Variants in MAP3K11 observed in about 807,000 individuals in gnomAD.
The protein encoded by MAP3K11 is mitogen-activated protein kinase kinase kinase 11.
MAP3K11 carries 46 observed loss-of-function variants against 84.9 expected under a neutral mutation model. The observed-to-expected ratio is 0.54, with a 90% CI of 0.43 to 0.69. MAP3K11 has a LOEUF of 0.69. Ranked by LOEUF, MAP3K11 falls within the 30% of genes least tolerant of loss-of-function variation. MAP3K11 has a pLI of 0.00. For synonymous variants in MAP3K11, 527 were observed against 514.7 expected, an observed-to-expected ratio of 1.02 and a Z score of -0.32; for missense variants, 1,053 against 1,198.3, an observed-to-expected ratio of 0.88 and a Z score of 1.79.
chr11:65,607,787 GC>G lies in MAP3K11; in HGVS notation c.1098del (p.Arg366SerfsTer53). The G allele has an allele frequency of 6.2e-7, 1 of 1,612,642 alleles. No individual in the cohort carries two copies. Among genetic ancestry groups the G allele is most frequent in the Non-Finnish European group, 8.5e-7 (1 of 1,179,510 alleles). ...ADCWAQDPHR[R>X]PDFASILQQL... ...TGCTGCAGGATGGAGGCGAAGTCGGGCCTGCGGTGGGGGTCCTGCGCCCAGC... is the reference window on the plus strand; with the variant it reads ...TGCTGCAGGATGGAGGCGAAGTCGGGCTGCGGTGGGGGTCCTGCGCCCAGC... On this transcript the variant is annotated frameshift_variant, in exon 4 of 10. Transcript: ENST00000309100. LOFTEE classifies it high-confidence loss of function.
chr11:65,607,207 G>C, intron 5 of MAP3K11, 63 bp downstream of exon 5: 3 of 1,426,972 alleles, frequency 2.1e-6, no homozygotes, highest in Non-Finnish European at 1.8e-6. Context: ...TGAGCACACA[G>C]GCCTGGCTCC....
chr11:65,612,867 T>C, intron 1 of MAP3K11, 151 bp downstream of exon 1: 8 of 823,066 alleles, frequency 9.7e-6, no homozygotes, highest in Non-Finnish European at 1.4e-5. Context: ...GTTTGGGGGC[T>C]AGCTTGAGCC....
rs754755551 is a variant in MAP3K11, at chr11:65,608,324, C to G, written c.864G>C (p.Trp288Cys). The G allele has an allele frequency of 6.2e-7, 1 of 1,614,230 alleles. No individual in the cohort carries two copies. The highest frequency in any genetic ancestry group is 8.5e-7 in the Non-Finnish European group (1 of 1,180,036). Reference sequence around the variant, plus strand: ...AGGCCTTGATAACCTCAGGAGCCATCCAGGCGTAGGTGCCCGCGGCACTCA... The same window carrying G: ...AGGCCTTGATAACCTCAGGAGCCATGCAGGCGTAGGTGCCCGCGGCACTCA... ...TQMSAAGTYA[W>C]MAPEVIKAST... is the part of the protein sequence containing the mutation. The change falls in exon 2 of 10, where the codon TGG (tryptophan) becomes TGC (cysteine). Residue 288 changes from tryptophan (W) to cysteine (C), a missense_variant. Trp to Cys is a radical substitution (Grantham distance 215). Around this residue, in one of 3 missense-constraint regions of MAP3K11, gnomAD observed 310 missense variants for 464.5 expected, o/e 0.67. Coordinates refer to ENST00000309100, the MANE Select transcript of MAP3K11 (RefSeq NM_002419.4).
At position 65,613,358 on chromosome 11, in the gene MAP3K11, C is replaced by T. The variant is rs1854601951; in HGVS notation, c.399G>A (p.Arg133=). 3.7e-6 allele frequency: 6 copies of T among 1,612,926 alleles called. No individual in the cohort carries two copies. The South Asian group carries it at 5.5e-5, about 15-fold the overall frequency. ...CCACCAGCTCACCTCGCCAGCTGCC[C>T]CTGTACACCTTGCCAAAGCCTCCAA... is the stretch of plus-strand genomic sequence containing the variant. ...IGIGGFGKVY[R]GSWRGELVAV... Residue 133 remains arginine, a synonymous_variant, in exon 1 of 10, where the codon AGG becomes AGA. Coordinates refer to ENST00000309100, the MANE Select transcript of MAP3K11 (RefSeq NM_002419.4).
rs866709252 is a variant in MAP3K11 at position 65,613,342 on chromosome 11, C to T, written c.415G>A (p.Glu139Lys). 6.8e-6 allele frequency: 11 copies of T among 1,613,138 alleles called. No individual in the cohort carries two copies. In the Middle Eastern group the frequency reaches 1.3e-3, roughly 194 times the overall value. Reference sequence around the variant, plus strand: ...CGAGCTGCCTTCACAGCCACCAGCTCACCTCGCCAGCTGCCCCTGTACACC... The same window carrying T: ...CGAGCTGCCTTCACAGCCACCAGCTTACCTCGCCAGCTGCCCCTGTACACC... ...GKVYRGSWRG[E>K]LVAVKAARQD... The change falls in exon 1 of 10, where the codon GAG (glutamate) becomes AAG (lysine). Residue 139 changes from glutamate (E) to lysine (K), a missense_variant. By Grantham distance (56) the Glu-to-Lys change is moderately conservative. Coordinates refer to ENST00000309100, the MANE Select transcript of MAP3K11 (RefSeq NM_002419.4).
chr11:65,613,716 C>G lies in MAP3K11; in HGVS notation c.41G>C (p.Gly14Ala). ...CCCGCTGCCACTGCCATTCCATGAC[C>G]CTAGAGGGCTCTTGAGGAAGAGGCT... is the stretch of plus-strand genomic sequence containing the variant. Reference protein sequence around the residue: ...LKSLFLKSPLGSWNGSGSGGG... With the variant: ...LKSLFLKSPLASWNGSGSGGG... Residue 14 changes from glycine (G) to alanine (A), a missense_variant, in exon 1 of 10, where the codon GGG becomes GCG. Gly to Ala is a moderately conservative substitution (Grantham distance 60). Transcript: ENST00000309100. The G allele has an allele frequency of 6.3e-7, 1 of 1,597,026 alleles. No individual in the cohort carries two copies. Among genetic ancestry groups the G allele is most frequent in the Non-Finnish European group, 8.5e-7 (1 of 1,172,104 alleles).
At chr11:65,607,583 G>C in intron 4 of MAP3K11, 58 bp downstream of exon 4, 1 of 1,565,508 alleles carries the variant, frequency 6.4e-7, no homozygotes, top group Non-Finnish European at 8.7e-7. Context: ...CCCCGACTCT[G>C]CCCCAGGGAG....
chr11:65,613,622 C>T lies in MAP3K11; in HGVS notation c.135G>A (p.Val45=). ...SPKAAGYANP[V]WTALFDYEPS... Reference sequence around the variant, plus strand: ...GCTCGTAGTCGAACAGGGCTGTCCACACCGGGTTGGCATAACCCGCTGCCT... The same window carrying T: ...GCTCGTAGTCGAACAGGGCTGTCCATACCGGGTTGGCATAACCCGCTGCCT... The change falls in exon 1 of 10, where the codon GTG becomes GTA. Residue 45 remains valine, a synonymous_variant. Coordinates refer to ENST00000309100, the MANE Select transcript of MAP3K11 (RefSeq NM_002419.4). 1 of 1,613,058 alleles carries T rather than the reference C, an allele frequency of 6.2e-7. No individual in the cohort carries two copies. Among genetic ancestry groups the T allele is most frequent in the African/African-American group, 1.3e-5 (1 of 75,072 alleles).
intron 1 of MAP3K11, chr11:65,612,793 G>T (rs1475242972): frequency 4.7e-6 from 2 of 424,048 alleles, no homozygotes; most frequent in Non-Finnish European, 8.1e-6. Flanking sequence ...AACCGCAGCT[G>T]CAGGCTGGGG....
rs770654079 is a variant in MAP3K11 at position 65,607,760 on chromosome 11, A to C, written c.1126T>G (p.Leu376Val). Residue 376 changes from leucine to valine, a missense_variant, in exon 4 of 10, where the codon TTG becomes GTG. Physicochemically the swap from Leu to Val is conservative, Grantham distance 32 (BLOSUM62 1). Coordinates refer to ENST00000309100, the MANE Select transcript of MAP3K11 (RefSeq NM_002419.4). ...AGGACCTGTGCCTCCAGCGCCTCCA[A>C]CTGCTGCAGGATGGAGGCGAAGTCG... ...RPDFASILQQ[L>V]EALEAQVLRE... 1 of 1,613,466 alleles carries C rather than the reference A, an allele frequency of 6.2e-7. No homozygotes were observed. Among genetic ancestry groups the C allele is most frequent in the Admixed American group, 1.7e-5 (1 of 60,016 alleles).
In MAP3K11 at chr11:65,613,260, C is replaced by T. The variant is rs761594078; in HGVS notation, c.497G>A (p.Arg166Gln). Reference sequence around the variant, plus strand: ...GGGGTGTGCCAGCATGGCGAAGAGCCGGGCCTCCTGGCGAACGCTCTCGGC... The same window carrying T: ...GGGGTGTGCCAGCATGGCGAAGAGCTGGGCCTCCTGGCGAACGCTCTCGGC... ...VTAESVRQEA[R>Q]LFAMLAHPNI... The change falls in exon 1 of 10, where the codon CGG becomes CAG. Residue 166 changes from arginine (R) to glutamine (Q), a missense_variant. Arg to Gln is a conservative substitution (Grantham distance 43). Around this residue, in one of 3 missense-constraint regions of MAP3K11, gnomAD observed 310 missense variants for 464.5 expected, o/e 0.67. Coordinates refer to ENST00000309100, the MANE Select transcript of MAP3K11 (RefSeq NM_002419.4). 8 of 1,610,298 alleles carry T rather than the reference C, an allele frequency of 5.0e-6. No homozygotes were observed. Among genetic ancestry groups the T allele is most frequent in the Non-Finnish European group, 5.9e-6 (7 of 1,177,806 alleles).
chr11:65,602,383 C>T (rs796081723), intron 8 of MAP3K11, among the ~76,000 whole-genome samples: 6 of 152,076 alleles, frequency 3.9e-5, no homozygotes, highest in African/African-American at 1.2e-4. Flanking sequence ...TGGTGGTTCA[C>T]GCTTGTAATC....
chr11:65,613,154 G>C lies in MAP3K11; in HGVS notation c.603C>G (p.Leu201=), dbSNP rs1312003843. 3.1e-6 allele frequency: 5 copies of C among 1,592,530 alleles called. No homozygotes were observed. Among genetic ancestry groups the C allele is most frequent in the Admixed American group, 1.7e-5 (1 of 58,298 alleles). Residue 201 remains leucine (L), a synonymous_variant, in exon 1 of 10, where the codon CTC becomes CTG. Transcript: ENST00000309100. ...LVMEYAAGGP[L]SRALAGRRVP... is the part of the protein sequence containing the mutation. ...CGCGCCGCCCGGCCAGAGCTCGGCT[G>C]AGGGGCCCACCGGCTGCATACTCCA... is the stretch of plus-strand genomic sequence containing the variant.
In MAP3K11 at chr11:65,607,291, C is replaced by T. The variant is rs778418004; in HGVS notation, c.1468G>A (p.Glu490Lys). Residue 490 changes from glutamate (E) to lysine (K), a missense_variant, in exon 5 of 10, where the codon GAG (glutamate) becomes AAG (lysine). Around this residue, in one of 3 missense-constraint regions of MAP3K11, gnomAD observed 583 missense variants for 566.6 expected, o/e 1.03. Coordinates refer to ENST00000309100, the MANE Select transcript of MAP3K11 (RefSeq NM_002419.4). ...TCACCGAGTGGCATGCTGATACGCTCGCCGCCGTCGCGCGCCCGGAGCTTG... is the reference window on the plus strand; with the variant it reads ...TCACCGAGTGGCATGCTGATACGCTTGCCGCCGTCGCGCGCCCGGAGCTTG... Reference protein sequence around the residue: ...RSKLRARDGGERISMPLDFKH... With the variant: ...RSKLRARDGGKRISMPLDFKH... The T allele has an allele frequency of 1.1e-5, 17 of 1,520,978 alleles. No homozygotes were observed. Among genetic ancestry groups the T allele is most frequent in the Non-Finnish European group, 1.5e-5 (17 of 1,143,596 alleles). 94.2% of individuals were successfully genotyped at this position (1,520,978 alleles called of 1,614,324 possible).
Position 65,613,765 on chromosome 11 carries a change from G to A in MAP3K11, c.-9C>T, listed in dbSNP as rs764379333. ...CTCTTCAAGGGCTCCATGGCCGGGA[G>A]CCGGCGCTGGGATGTGTGGAGGACC... On this transcript the variant is annotated 5_prime_UTR_variant, in exon 1 of 10. Coordinates refer to ENST00000309100, the MANE Select transcript of MAP3K11 (RefSeq NM_002419.4). The A allele has an allele frequency of 3.9e-6, 6 of 1,535,372 alleles. No individual in the cohort carries two copies. The highest frequency in any genetic ancestry group is 1.2e-5 in the South Asian group (1 of 80,876).
chr11:65,607,822 G>A lies in MAP3K11; in HGVS notation c.1070-6C>T, dbSNP rs188061400. 3.1e-6 allele frequency: 5 copies of A among 1,609,174 alleles called. No individual in the cohort carries two copies. Among genetic ancestry groups the A allele is most frequent in the African/African-American group, 2.7e-5 (2 of 74,984 alleles). On this transcript the variant is annotated splice_polypyrimidine_tract_variant and splice_region_variant and intron_variant, in intron 3 of 9. Transcript: ENST00000309100. ...GGGGTCCTGCGCCCAGCAGTCTAGG[G>A]GCACGGCGTGCAGCGGGGACAGAAT...
At chr11:65,612,922 C>A (rs1482953772) in intron 1 of MAP3K11, 96 bp downstream of exon 1, 5 of 1,408,580 alleles carry the variant, frequency 3.5e-6, no homozygotes, top group Non-Finnish European at 4.7e-6. Flanking sequence ...GTGGGAGCTC[C>A]TACCTGCAGT....
At chr11:65,605,123 G>T (rs1854493509) in intron 8 of MAP3K11, among the ~76,000 whole-genome samples, 1 of 152,292 alleles carries the variant, frequency 6.6e-6, no homozygotes, top group Admixed American at 6.5e-5. Flanking sequence ...CAGAGCCTCA[G>T]TTTCCTTATC....
Position 65,605,769 on chromosome 11 carries a change from G to T in MAP3K11, c.1823C>A (p.Ala608Glu), listed in dbSNP as rs751259676. 1.9e-6 allele frequency: 3 copies of T among 1,609,072 alleles called. No homozygotes were observed. The African/African-American group carries it at 4.0e-5, about 22-fold the overall frequency. Reference sequence around the variant, plus strand: ...GGAGGAAGGCCACTCACCATTGAGTGCTGGGGGTGTGGAAGGAGATCCTAA... The same window carrying T: ...GGAGGAAGGCCACTCACCATTGAGTTCTGGGGGTGTGGAAGGAGATCCTAA... Reference protein sequence around the residue: ...SPLGSPSTPPALNGNPPRPSL... With the variant: ...SPLGSPSTPPELNGNPPRPSL... Residue 608 changes from alanine to glutamate, a missense_variant, in exon 8 of 10, where the codon GCA (alanine) becomes GAA (glutamate). Physicochemically the swap from Ala to Glu is moderately radical, Grantham distance 107. This residue lies in a region of MAP3K11 where 583 missense variants were observed against 566.6 expected (regional missense o/e 1.03). Coordinates refer to ENST00000309100, the MANE Select transcript of MAP3K11 (RefSeq NM_002419.4).
Sources: gnomAD v4.1 joint callset for allele counts (sites outside exome capture counted in the v4.1 genomes callset) on GRCh38, gnomAD v4.1.1 for gene constraint, gnomAD v4.1.1 regional missense constraint, MANE v1.5 for transcripts, NCBI Gene and HGNC (gene_info 2026-07-23, HGNC 2026-07-21) for gene names.